CUL1: variants seen among roughly 807,000 people sequenced by gnomAD.
CUL1 encodes cullin-1.
A neutral mutation model predicts 118.0 loss-of-function variants in CUL1; 24 were observed. The observed-to-expected ratio is 0.20, with a 90% CI of 0.15 to 0.29. CUL1 has a LOEUF of 0.29. CUL1 is among the 10% of genes least tolerant of loss of function. CUL1 has a pLI of 1.00. For missense variants in CUL1, 361 were observed against 933.8 expected (o/e 0.39, Z 7.99); for synonymous variants, 332 against 340.4 (o/e 0.98, Z 0.27).
At chr7:148,797,395 CAA>C (rs5888340) in intron 17 of CUL1, among the ~76,000 whole-genome samples, 1 of 120,488 alleles carries the variant, frequency 8.3e-6, no homozygotes. Context: ...ACATGATGCT[CAA>C]AAAAAAAAAA....
chr7:148,723,357 G>T (rs1248273530), intron 1 of CUL1, among the ~76,000 whole-genome samples: 4 of 152,134 alleles, frequency 2.6e-5, no homozygotes, highest in African/African-American at 9.7e-5. Flanking sequence ...CTTCTCTTCT[G>T]TGCTGAGGCC....
chr7:148,699,668 G>A (rs1421290155), intron 1 of CUL1, among the ~76,000 whole-genome samples: 1 of 152,138 alleles, frequency 6.6e-6, no homozygotes, highest in Non-Finnish European at 1.5e-5. Context: ...TTGGGTAACA[G>A]TCGCCCTTTT....
chr7:148,784,110 C>T, intron 11 of CUL1, 33 bp downstream of exon 11: 1 of 1,521,866 alleles, frequency 6.6e-7, no homozygotes, highest in South Asian at 1.1e-5. Context: ...CTTAGTATGC[C>T]TGTTTAAAAT....
At chr7:148,767,483 A>G in intron 8 of CUL1, 136 bp from the exon 9 acceptor site, 2 of 737,942 alleles carry the variant, frequency 2.7e-6, no homozygotes, top group Non-Finnish European at 4.5e-6. Flanking sequence ...TTATAATTAA[A>G]TGCTATTGAT....
At chr7:148,729,205 A>G (rs547942803) in intron 1 of CUL1, among the ~76,000 whole-genome samples, 2 of 152,252 alleles carry the variant, frequency 1.3e-5, no homozygotes, top group East Asian at 1.9e-4. Flanking sequence ...AATAATAGCC[A>G]CTACCATTGT....
At chr7:148,770,232 C>G (rs568186843) in intron 9 of CUL1, among the ~76,000 whole-genome samples, 1 of 152,188 alleles carries the variant, frequency 6.6e-6, no homozygotes, top group South Asian at 2.1e-4. Context: ...TTACATTTTA[C>G]GAGAAATCAA....
chr7:148,779,154 G>T (rs1584811142), intron 9 of CUL1, among the ~76,000 whole-genome samples: 1 of 152,154 alleles, frequency 6.6e-6, no homozygotes, highest in Admixed American at 6.5e-5. Flanking sequence ...CGTGAAATTG[G>T]CCTTTAGAAT....
chr7:148,768,136 A>G (rs1023073382), intron 9 of CUL1, among the ~76,000 whole-genome samples: 18 of 152,146 alleles, frequency 1.2e-4, no homozygotes, highest in African/African-American at 4.1e-4. Context: ...CTCTGGCTGA[A>G]GACCACAGGG....
intron 1 of CUL1, among the ~76,000 whole-genome samples, chr7:148,727,944 T>A (rs1463238940): frequency 6.6e-6 from 1 of 152,114 alleles, no homozygotes; most frequent in Non-Finnish European, 1.5e-5. Context: ...AGAATTAGGA[T>A]GACACCGTCT....
In CUL1 at chr7:148,789,704, T is replaced by C. The variant is rs370153882; in HGVS notation, c.1598-46T>C. ...TGAATTTTTCAGTTTATAAACTAAT[T>C]AATGTATTCCAGAATGTTCACTCTC... On this transcript the variant is annotated intron_variant, in intron 14 of 21. Transcript: ENST00000325222. 4.2e-5 allele frequency: 61 copies of C among 1,464,832 alleles called. 1 individual carries two copies. Among genetic ancestry groups the C allele is most frequent in the Non-Finnish European group, 5.5e-5 (57 of 1,045,256 alleles). 90.7% of individuals were successfully genotyped at this position (1,464,832 alleles called of 1,614,324 possible).
intron 9 of CUL1, among the ~76,000 whole-genome samples, chr7:148,772,015 C>G (rs1384512606): frequency 1.3e-5 from 2 of 152,160 alleles, no homozygotes; most frequent in African/African-American, 4.8e-5. Context: ...AAACAGTCTC[C>G]TGCTTAGAAT....
chr7:148,716,702 G>A (rs948689524), intron 1 of CUL1, among the ~76,000 whole-genome samples: 8 of 152,224 alleles, frequency 5.3e-5, no homozygotes, highest in Admixed American at 1.3e-4. Context: ...CCTGTTTTCA[G>A]TTAAGTGTCT....
chr7:148,747,414 T>C (rs996868276), intron 2 of CUL1, among the ~76,000 whole-genome samples: 2 of 152,114 alleles, frequency 1.3e-5, no homozygotes, highest in Non-Finnish European at 2.9e-5. Flanking sequence ...AAAATGAAGG[T>C]GCTAACCATT....
intron 1 of CUL1, among the ~76,000 whole-genome samples, chr7:148,701,101 G>A (rs968224709): frequency 3.3e-5 from 5 of 151,760 alleles, no homozygotes; most frequent in Non-Finnish European, 7.4e-5. Context: ...TTGTTTTTGC[G>A]TCCCCAGAGT....
At chr7:148,698,695 C>T (rs1220110376), upstream of CUL1, 1 of 152,072 alleles carries the variant, frequency 6.6e-6, no homozygotes, top group African/African-American at 2.4e-5. Context: ...GGCTCCCCCG[C>T]CCCGGACGCC....
chr7:148,766,794 G>T, intron 8 of CUL1, 71 bp downstream of exon 8: 1 of 1,330,406 alleles, frequency 7.5e-7, no homozygotes, highest in East Asian at 2.4e-5. Context: ...TTTGATTCTA[G>T]ACTCTCGAGT....
intron 1 of CUL1, among the ~76,000 whole-genome samples, chr7:148,725,245 A>ACACACACACACACACACACACC (rs1563151095): frequency 6.6e-6 from 1 of 151,256 alleles, no homozygotes; most frequent in Non-Finnish European, 1.5e-5. Context: ...ACACACACAC[A>ACACACACACACACACACACACC]CACCCGTACC....
At chr7:148,745,521 C>T (rs1274355009) in intron 2 of CUL1, among the ~76,000 whole-genome samples, 3 of 152,038 alleles carry the variant, frequency 2.0e-5, no homozygotes, top group Admixed American at 6.6e-5. Context: ...TAGAGTTTAT[C>T]GTTATTTGCC....
chr7:148,741,849 C>T (rs181682603), intron 2 of CUL1, among the ~76,000 whole-genome samples: 10 of 152,360 alleles, frequency 6.6e-5, no homozygotes, highest in East Asian at 3.9e-4. Context: ...GCTGGGATTG[C>T]GGGCATGAGC....
Sources: gnomAD v4.1 joint callset for allele counts (sites outside exome capture counted in the v4.1 genomes callset) on GRCh38, gnomAD v4.1.1 for gene constraint, MANE v1.5 for transcripts, NCBI Gene and HGNC (gene_info 2026-07-23, HGNC 2026-07-21) for gene names.